NRG1: variants seen among roughly 807,000 people sequenced by gnomAD.
NRG1 encodes pro-neuregulin-1, membrane-bound isoform.
NRG1 carries 18 observed loss-of-function variants against 63.8 expected under a neutral mutation model. That is an observed-to-expected ratio of 0.28 (90% CI 0.19 to 0.42). The LOEUF is 0.42. Among genes scored for constraint, NRG1 ranks in the 10% least tolerant of loss-of-function variants. NRG1 has a pLI of 1.00. For synonymous variants in NRG1, 302 were observed against 301.3 expected (o/e 1.00, Z -0.02); for missense variants, 762 against 814.7 (o/e 0.94, Z 0.79).
chr8:32,084,954 G>A (rs990718949), intron 1 of NRG1, among the ~76,000 whole-genome samples: 9 of 152,166 alleles, frequency 5.9e-5, no homozygotes, highest in Middle Eastern at 3.2e-3. Flanking sequence ...AATTCCTAGA[G>A]AAAAGTTAAT....
At chr8:31,886,647 G>T (rs1830736514) in intron 1 of NRG1, among the ~76,000 whole-genome samples, 2 of 151,980 alleles carry the variant, frequency 1.3e-5, no homozygotes, top group Non-Finnish European at 2.9e-5. Context: ...TTCTGCAGCT[G>T]GCTCTTAAGT....
chr8:31,813,256 T>C (rs1823059705), intron 1 of NRG1, among the ~76,000 whole-genome samples: 1 of 152,178 alleles, frequency 6.6e-6, no homozygotes. Flanking sequence ...CTTTTTACTT[T>C]AAAATATTTT....
chr8:31,988,522 T>C (rs1327760993), intron 1 of NRG1, among the ~76,000 whole-genome samples: 1 of 152,092 alleles, frequency 6.6e-6, no homozygotes, highest in African/African-American at 2.4e-5. Context: ...AACAATTATC[T>C]AGGCCAACTG....
At chr8:31,864,542 C>G (rs1352287234) in intron 1 of NRG1, among the ~76,000 whole-genome samples, 2 of 151,966 alleles carry the variant, frequency 1.3e-5, no homozygotes, top group Non-Finnish European at 2.9e-5. Flanking sequence ...AGCCTTGAGG[C>G]AGGGGGGAAT....
intron 1 of NRG1, among the ~76,000 whole-genome samples, chr8:32,470,380 A>G (rs183325826): frequency 2.2e-3 from 318 of 144,156 alleles, no homozygotes; most frequent in African/African-American, 7.8e-3. Flanking sequence ...TCTTTTTTGT[A>G]TTTTTAATAG....
chr8:32,677,744 A>T (rs1807526321), intron 5 of NRG1, among the ~76,000 whole-genome samples: 1 of 152,222 alleles, frequency 6.6e-6, no homozygotes, highest in Non-Finnish European at 1.5e-5. Flanking sequence ...ATACTCCTGC[A>T]AACAATTTCC....
chr8:32,491,628 C>T (rs1826569325), intron 1 of NRG1, among the ~76,000 whole-genome samples: 1 of 151,732 alleles, frequency 6.6e-6, no homozygotes, highest in African/African-American at 2.4e-5. Flanking sequence ...AATGGCTCCC[C>T]AGGCTCTAGC....
intron 1 of NRG1, among the ~76,000 whole-genome samples, chr8:32,489,585 C>G (rs1351390978): frequency 6.6e-6 from 1 of 152,082 alleles, no homozygotes; most frequent in African/African-American, 2.4e-5. Flanking sequence ...AAGGAGACTC[C>G]CAGCTTTCTT....
At chr8:32,548,972 G>T in intron 1 of NRG1, 146 bp downstream of exon 1, 1 of 1,169,218 alleles carries the variant, frequency 8.6e-7, no homozygotes, top group Non-Finnish European at 1.2e-6. Flanking sequence ...GAGTCGCGCG[G>T]TGCTTCCCCT....
chr8:32,736,963 A>G (rs1268393159), intron 6 of NRG1, among the ~76,000 whole-genome samples: 1 of 152,226 alleles, frequency 6.6e-6, no homozygotes, highest in Non-Finnish European at 1.5e-5. Flanking sequence ...TTTATTTCAA[A>G]ATACATACAT....
chr8:32,296,705 A>G (rs867713918), intron 1 of NRG1, among the ~76,000 whole-genome samples: 1 of 152,078 alleles, frequency 6.6e-6, no homozygotes, highest in South Asian at 2.1e-4. Context: ...TGCAAAACAT[A>G]TACATATTTG....
chr8:32,759,183 C>A (rs1332376149), intron 9 of NRG1, 123 bp from the exon 10 acceptor site: 3 of 1,094,782 alleles, frequency 2.7e-6, no homozygotes, highest in Non-Finnish European at 3.8e-6. Context: ...TACAAATCAG[C>A]TGTACAAAAA....
At chr8:31,886,192 C>T (rs1830706248) in intron 1 of NRG1, among the ~76,000 whole-genome samples, 1 of 151,990 alleles carries the variant, frequency 6.6e-6, no homozygotes, top group Non-Finnish European at 1.5e-5. Context: ...TGCTTGCTGG[C>T]TACCAACAAT....
At chr8:32,647,642 G>T (rs1268594471) in intron 5 of NRG1, 3 of 1,492,256 alleles carry the variant, frequency 2.0e-6, no homozygotes, top group Non-Finnish European at 2.7e-6. Flanking sequence ...GTAAGATGCT[G>T]TATCATTTGG....
chr8:32,426,516 A>G (rs1284364368), intron 1 of NRG1, among the ~76,000 whole-genome samples: 9 of 152,222 alleles, frequency 5.9e-5, no homozygotes, highest in Non-Finnish European at 1.3e-4. Context: ...ATAAAACAAA[A>G]GAACTTCAGG....
intron 6 of NRG1, among the ~76,000 whole-genome samples, chr8:32,740,767 A>G (rs1826131974): frequency 6.6e-6 from 1 of 152,206 alleles, no homozygotes; most frequent in Admixed American, 6.5e-5. Flanking sequence ...ATTGGTTTGA[A>G]GGGAAATGAA....
At chr8:31,817,595 A>T (rs1367964371) in intron 1 of NRG1, among the ~76,000 whole-genome samples, 1 of 152,226 alleles carries the variant, frequency 6.6e-6, no homozygotes, top group African/African-American at 2.4e-5. Context: ...TAAAAAAATC[A>T]ATCTGTGGTA....
intron 1 of NRG1, among the ~76,000 whole-genome samples, chr8:31,968,892 A>C (rs762417021): frequency 6.6e-6 from 1 of 152,168 alleles, no homozygotes. Flanking sequence ...CCTATACTAT[A>C]ACTGTGCCTT....
chr8:32,478,272 C>T (rs199611565), intron 1 of NRG1, among the ~76,000 whole-genome samples: 1 of 147,688 alleles, frequency 6.8e-6, no homozygotes. Context: ...TGTGGGGGGG[C>T]CTTTTTGCAG....
Sources: allele counts gnomAD v4.1 joint callset (sites outside exome capture counted in the v4.1 genomes callset), GRCh38; gene constraint gnomAD v4.1.1; transcripts MANE v1.5; gene names NCBI Gene and HGNC (gene_info 2026-07-23, HGNC 2026-07-21).